Variants in TENM3 observed in about 807,000 individuals in gnomAD.
TENM3 encodes teneurin transmembrane protein 3.
Under a neutral mutation model 255.1 loss-of-function variants are expected in TENM3, and 63 were observed. The observed-to-expected ratio is 0.25, with a 90% CI of 0.20 to 0.30. The LOEUF (loss-of-function observed/expected upper bound fraction) is 0.30, where lower values mean the gene tolerates loss of function less well. Among genes scored for constraint, TENM3 ranks in the 10% least tolerant of loss-of-function variants. The pLI is 1.00. For missense variants in TENM3, 2,929 were observed against 3,461.1 expected, an observed-to-expected ratio of 0.85 and a Z score of 3.86; for synonymous variants, 1,306 against 1,322.3, an observed-to-expected ratio of 0.99 and a Z score of 0.27.
the TENM3 span, among the ~76,000 whole-genome samples, chr4:181,959,790 A>G: frequency 6.6e-6 from 1 of 152,248 alleles, no homozygotes. Flanking sequence ...GTAGAAATAT[A>G]TGGAGTTTTG....
intron 5 of TENM3, among the ~76,000 whole-genome samples, chr4:182,648,177 A>C (rs79499327): frequency 0.047 from 7,150 of 152,288 alleles, 241 homozygotes; most frequent in East Asian, 0.11. Context: ...TCATGAAAGG[A>C]AAGGCTGCTA....
chr4:181,904,394 CA>C, the TENM3 span, among the ~76,000 whole-genome samples: 5 of 152,094 alleles, frequency 3.3e-5, no homozygotes, highest in African/African-American at 1.2e-4. Context: ...GTAGATGCCC[CA>C]ATCACTCTGA....
chr4:181,665,522 C>T, the TENM3 span, among the ~76,000 whole-genome samples: 2 of 152,116 alleles, frequency 1.3e-5, no homozygotes, highest in Admixed American at 6.6e-5. Context: ...AGAATCATCG[C>T]GTGCGTGTGT....
chr4:181,458,626 C>T, the TENM3 span, among the ~76,000 whole-genome samples: 1 of 151,922 alleles, frequency 6.6e-6, no homozygotes, highest in South Asian at 2.1e-4. Context: ...GACCACTTGG[C>T]CTCCCCACTC....
At chr4:181,879,343 C>A in the TENM3 span, among the ~76,000 whole-genome samples, 1 of 152,140 alleles carries the variant, frequency 6.6e-6, no homozygotes, top group Admixed American at 6.5e-5. Context: ...AAAAGAAATT[C>A]TCTGAGTTTT....
chr4:182,551,132 G>A (rs990135813), intron 3 of TENM3, among the ~76,000 whole-genome samples: 2 of 151,332 alleles, frequency 1.3e-5, no homozygotes, highest in Admixed American at 1.3e-4. Context: ...TGAGGCAGGA[G>A]GATCGCTTGA....
chr4:182,429,198 C>A (rs1771449845), intron 3 of TENM3, among the ~76,000 whole-genome samples: 1 of 152,258 alleles, frequency 6.6e-6, no homozygotes, highest in Non-Finnish European at 1.5e-5. Flanking sequence ...TAAATTGTGA[C>A]AGAAATAATG....
At chr4:181,732,230 T>G in the TENM3 span, among the ~76,000 whole-genome samples, 1 of 152,066 alleles carries the variant, frequency 6.6e-6, no homozygotes, top group Non-Finnish European at 1.5e-5. Flanking sequence ...GATAGATGCA[T>G]GGTAGAAAAG....
chr4:182,373,536 T>C (rs1039971204), intron 3 of TENM3, among the ~76,000 whole-genome samples: 1 of 152,106 alleles, frequency 6.6e-6, no homozygotes, highest in African/African-American at 2.4e-5. Context: ...ACTGGGCTCT[T>C]TTTGACAACC....
At chr4:182,126,893 C>A in the TENM3 span, among the ~76,000 whole-genome samples, 3 of 152,216 alleles carry the variant, frequency 2.0e-5, no homozygotes, top group Non-Finnish European at 4.4e-5. Context: ...AACACAGAGA[C>A]TTTCCTGAGG....
chr4:182,494,826 T>G (rs1342869394), intron 3 of TENM3, among the ~76,000 whole-genome samples: 1 of 152,226 alleles, frequency 6.6e-6, no homozygotes, highest in East Asian at 1.9e-4. Context: ...ATGTTTTAAA[T>G]TATTTCTTTT....
chr4:182,773,491 C>G lies in TENM3; in HGVS notation c.4912C>G (p.Leu1638Val). 1 of 1,612,494 alleles carries G rather than the reference C, an allele frequency of 6.2e-7. No homozygotes were observed. The highest frequency in any genetic ancestry group is 8.5e-7 in the Non-Finnish European group (1 of 1,179,250). ...ATTTAGCTATGACAGTGAAGGTCGT[C>G]TGACAAATGTTACGTTTCCAACTGG... ...TFFDYDSEGR[L>V]TNVTFPTGVV... Residue 1638 changes from leucine (L) to valine (V), a missense_variant, in exon 23 of 28, where the codon CTG becomes GTG. Around this residue, in one of 6 missense-constraint regions of TENM3, gnomAD observed 1,608 missense variants for 1,884.4 expected, o/e 0.85. Transcript: ENST00000511685.
intron 3 of TENM3, among the ~76,000 whole-genome samples, chr4:182,567,461 A>G (rs2151999523): frequency 6.6e-6 from 1 of 152,232 alleles, no homozygotes; most frequent in Middle Eastern, 3.4e-3. Context: ...GTAGCTCCCC[A>G]TCTCTCAGAG....
chr4:181,948,242 G>A, the TENM3 span, among the ~76,000 whole-genome samples: 1 of 151,870 alleles, frequency 6.6e-6, no homozygotes, highest in African/African-American at 2.4e-5. Context: ...TTTAATTCAC[G>A]GGGGGAAAAA....
At chr4:182,217,658 TG>T (rs1171044648) in intron 1 of TENM3, among the ~76,000 whole-genome samples, 1 of 152,184 alleles carries the variant, frequency 6.6e-6, no homozygotes, top group Admixed American at 6.5e-5. Flanking sequence ...TATCAAATCA[TG>T]TGCCCAAGGC....
intron 1 of TENM3, among the ~76,000 whole-genome samples, chr4:182,280,300 C>A (rs1448216816): frequency 5.9e-5 from 9 of 152,140 alleles, no homozygotes; most frequent in African/African-American, 2.4e-5. Flanking sequence ...TTTTTGATTG[C>A]ACTCTTTGAA....
chr4:181,918,269 TAATA>T, the TENM3 span, among the ~76,000 whole-genome samples: 23 of 152,300 alleles, frequency 1.5e-4, no homozygotes, highest in African/African-American at 5.5e-4. Context: ...TAATAAAAGA[TAATA>T]AATATTTAAT....
At chr4:182,735,956 T>G (rs1021530712) in intron 16 of TENM3, among the ~76,000 whole-genome samples, 6 of 152,348 alleles carry the variant, frequency 3.9e-5, no homozygotes, top group Admixed American at 3.9e-4. Context: ...ATAATTCTTA[T>G]GCACATAATT....
At chr4:182,335,226 C>T (rs144272841) in intron 2 of TENM3, among the ~76,000 whole-genome samples, 6,242 of 150,644 alleles carry the variant, frequency 0.041, 316 homozygotes, top group African/African-American at 0.12. Context: ...CGGCCGGGCG[C>T]GGTGGCTCAC....
Sources: gnomAD v4.1 joint callset for allele counts (sites outside exome capture counted in the v4.1 genomes callset) on GRCh38, gnomAD v4.1.1 for gene constraint, gnomAD v4.1.1 regional missense constraint, MANE v1.5 for transcripts, NCBI Gene and HGNC (gene_info 2026-07-23, HGNC 2026-07-21) for gene names.